Variants in ST6GAL2 observed in about 807,000 individuals in gnomAD.
ST6GAL2 encodes ST6 beta-galactoside alpha-2,6-sialyltransferase 2.
Under a neutral mutation model 37.5 loss-of-function variants are expected in ST6GAL2, and 24 were observed. The ratio of observed to expected loss-of-function variants is 0.64; its 90% CI spans 0.46 to 0.90. The LOEUF is 0.90. Among genes scored for constraint, ST6GAL2 ranks in the 40% least tolerant of loss-of-function variants. The pLI is 0.00. For synonymous variants in ST6GAL2, 306 were observed against 295.1 expected, an observed-to-expected ratio of 1.04 and a Z score of -0.38; for missense variants, 715 against 712.7, an observed-to-expected ratio of 1.00 and a Z score of -0.04.
At chr2:106,842,037 G>A (rs1160992149) in intron 2 of ST6GAL2, among the ~76,000 whole-genome samples, 4 of 152,128 alleles carry the variant, frequency 2.6e-5, no homozygotes, top group Non-Finnish European at 5.9e-5. Flanking sequence ...ATGCAGGTGC[G>A]CTTCCTCAAG....
intron 5 of ST6GAL2, among the ~76,000 whole-genome samples, chr2:106,809,770 T>C (rs1675542288): frequency 6.6e-6 from 1 of 152,332 alleles, no homozygotes; most frequent in African/African-American, 2.4e-5. Flanking sequence ...CCAATGCTTT[T>C]GTAAAATACC....
At chr2:106,838,102 CTG>C (rs1676722160) in intron 2 of ST6GAL2, among the ~76,000 whole-genome samples, 1 of 152,102 alleles carries the variant, frequency 6.6e-6, no homozygotes. Flanking sequence ...TGATAATGCA[CTG>C]TGAGAATAGA....
At chr2:106,807,307 A>G (rs2104408301) in intron 5 of ST6GAL2, among the ~76,000 whole-genome samples, 1 of 152,300 alleles carries the variant, frequency 6.6e-6, no homozygotes, top group Admixed American at 6.5e-5. Flanking sequence ...CACATTCTAT[A>G]CACATGTCCC....
intron 5 of ST6GAL2, among the ~76,000 whole-genome samples, chr2:106,810,673 C>T (rs989135934): frequency 2.0e-5 from 3 of 148,286 alleles, no homozygotes; most frequent in Admixed American, 6.6e-5. Context: ...TGGAGTAGGG[C>T]GTGCAGTGGC....
At chr2:106,821,562 GGCTTTA>G (rs999841452) in intron 5 of ST6GAL2, among the ~76,000 whole-genome samples, 26 of 151,728 alleles carry the variant, frequency 1.7e-4, no homozygotes, top group African/African-American at 6.3e-4. Flanking sequence ...AGGATTCAAT[GGCTTTA>G]CTGCTGAATT....
chr2:106,858,560 T>G (rs1677673383), intron 1 of ST6GAL2, among the ~76,000 whole-genome samples: 4 of 152,308 alleles, frequency 2.6e-5, no homozygotes, highest in Middle Eastern at 6.8e-3. Flanking sequence ...AAAGAATACT[T>G]GCTAAGCCAG....
At chr2:106,877,803 C>T (rs1678569620) in intron 1 of ST6GAL2, among the ~76,000 whole-genome samples, 1 of 152,254 alleles carries the variant, frequency 6.6e-6, no homozygotes, top group Non-Finnish European at 1.5e-5. Flanking sequence ...CCTACAACCT[C>T]TCCACACACA....
intron 2 of ST6GAL2, chr2:106,841,111 G>A (rs906262107): frequency 2.0e-5 from 3 of 152,172 alleles, no homozygotes; most frequent in Admixed American, 2.0e-4. Context: ...AGGTACCCCA[G>A]ACCTTGATTC....
chr2:106,872,985 G>A (rs531492410), intron 1 of ST6GAL2, among the ~76,000 whole-genome samples: 1 of 152,170 alleles, frequency 6.6e-6, no homozygotes, highest in East Asian at 1.9e-4. Flanking sequence ...CTTGATTTTA[G>A]CCTTGCCTTT....
intron 1 of ST6GAL2, among the ~76,000 whole-genome samples, chr2:106,868,563 C>T (rs1678130864): frequency 1.3e-5 from 2 of 152,198 alleles, no homozygotes; most frequent in African/African-American, 2.4e-5. Flanking sequence ...AAGCAAAGAT[C>T]GCTGCACCGG....
At position 106,810,954 on chromosome 2, in the gene ST6GAL2, A is replaced by T. The variant is rs189740146; in HGVS notation, c.1319-4005T>A. Among the ~76,000 whole-genome samples the T allele has an allele frequency of 2.6e-3, 400 of 151,560 alleles. 3 individuals are homozygous for T. The highest frequency in any genetic ancestry group is 0.022 in the Admixed American group (341 of 15,246). ...CTGAGCGACAGAGTGGCATCCTGTCAAAATAAATAAATAAATAATAAAACT... is the reference window on the plus strand; with the variant it reads ...CTGAGCGACAGAGTGGCATCCTGTCTAAATAAATAAATAAATAATAAAACT... On this transcript the variant is annotated intron_variant, in intron 5 of 5. Coordinates refer to ENST00000409382, the MANE Select transcript of ST6GAL2 (RefSeq NM_001142351.2).
intron 1 of ST6GAL2, among the ~76,000 whole-genome samples, chr2:106,873,230 G>C (rs1678352623): frequency 6.7e-6 from 1 of 150,268 alleles, no homozygotes; most frequent in African/African-American, 2.5e-5. Context: ...CACACAGGTA[G>C]GGGACAGCAC....
At chr2:106,840,491 T>C (rs566593688) in intron 2 of ST6GAL2, among the ~76,000 whole-genome samples, 1 of 152,222 alleles carries the variant, frequency 6.6e-6, no homozygotes, top group African/African-American at 2.4e-5. Context: ...TATGGTTACA[T>C]GTTCTTAAAA....
At chr2:106,865,504 G>C (rs182784659) in intron 1 of ST6GAL2, among the ~76,000 whole-genome samples, 1 of 152,316 alleles carries the variant, frequency 6.6e-6, no homozygotes, top group East Asian at 1.9e-4. Context: ...GCTGTACAGT[G>C]CTTAACACAT....
chr2:106,858,263 G>C (rs1677659389), intron 1 of ST6GAL2, among the ~76,000 whole-genome samples: 1 of 152,128 alleles, frequency 6.6e-6, no homozygotes, highest in African/African-American at 2.4e-5. Flanking sequence ...TTGAAGTCTA[G>C]GTAAAAATGC....
rs756643444 is a variant in ST6GAL2 at position 106,805,855 on chromosome 2, C to T, written c.*823G>A. 1 of 151,918 alleles carries T rather than the reference C, an allele frequency of 6.6e-6. No individual in the cohort carries two copies. Among genetic ancestry groups the T allele is most frequent in the Non-Finnish European group, 1.5e-5 (1 of 68,000 alleles). 9.4% of individuals were successfully genotyped at this position (151,918 alleles called of 1,614,324 possible). On this transcript the variant is annotated 3_prime_UTR_variant, in exon 6 of 6. Coordinates refer to ENST00000409382, the MANE Select transcript of ST6GAL2 (RefSeq NM_001142351.2). ...GATCTGCAGGTGAGGAGGTACAAGGCAGAAAAGCCAGAACCGGGGAGTGTC... is the reference window on the plus strand; with the variant it reads ...GATCTGCAGGTGAGGAGGTACAAGGTAGAAAAGCCAGAACCGGGGAGTGTC...
At chr2:106,876,154 G>GT (rs5833215) in intron 1 of ST6GAL2, among the ~76,000 whole-genome samples, 1 of 151,980 alleles carries the variant, frequency 6.6e-6, no homozygotes, top group Non-Finnish European at 1.5e-5. Context: ...TTTAAAGTGT[G>GT]TTTTTTTTCA....
At chr2:106,881,748 C>T (rs1233692126) in intron 1 of ST6GAL2, among the ~76,000 whole-genome samples, 2 of 152,150 alleles carry the variant, frequency 1.3e-5, no homozygotes, top group Non-Finnish European at 2.9e-5. Flanking sequence ...AAGCATTTTT[C>T]TCTCGGGCTC....
intron 5 of ST6GAL2, among the ~76,000 whole-genome samples, chr2:106,826,103 A>G (rs13384571): frequency 0.24 from 36,239 of 152,158 alleles, 5,115 homozygotes; most frequent in East Asian, 0.49. Context: ...ATTCCTAAGC[A>G]TGTATAAAGA....
Sources: allele counts gnomAD v4.1 joint callset (sites outside exome capture counted in the v4.1 genomes callset), GRCh38; gene constraint gnomAD v4.1.1; transcripts MANE v1.5; gene names NCBI Gene and HGNC (gene_info 2026-07-23, HGNC 2026-07-21).